The following UBXN6 variants were observed in gnomAD, a reference collection of about 807,000 sequenced individuals.
UBXN6 encodes the protein UBX domain protein 6, also known as UBX domain-containing protein 6.
Under a neutral mutation model 51.4 loss-of-function variants are expected in UBXN6, and 44 were observed. The ratio of observed to expected loss-of-function variants is 0.86; its 90% CI spans 0.67 to 1.10. The LOEUF (loss-of-function observed/expected upper bound fraction) is 1.10. UBXN6 is among the 50% of genes least tolerant of loss of function. The pLI is 0.00. For missense variants in UBXN6, 672 were observed against 596.1 expected (o/e 1.13, Z -1.32); for synonymous variants, 316 against 263.2 (o/e 1.20, Z -1.94).
At chr19:4,457,507 T>A in intron 1 of UBXN6, 108 bp downstream of exon 1, 2 of 840,058 alleles carry the variant, frequency 2.4e-6, no homozygotes, top group East Asian at 8.3e-5. Flanking sequence ...CGCGTGCCGC[T>A]CCCAGCCCCT....
Position 4,457,620 on chromosome 19 carries a change from G to C in UBXN6, c.78C>G (p.Ser26=). The change falls in exon 1 of 11, where the codon TCC becomes TCG. Residue 26 remains serine, a synonymous_variant. Transcript: ENST00000301281. ...CCCCTGCGTTCCTCACGCACCCCAC[G>C]GACTCTTTGAGCTTCTGACCGGGTC... ...SAGPGQKLKE[S]VGEKAHKEKP... is the part of the protein sequence containing the mutation. The C allele has an allele frequency of 6.3e-7, 1 of 1,596,108 alleles. No homozygotes were observed. The highest frequency in any genetic ancestry group is 8.5e-7 in the Non-Finnish European group (1 of 1,172,750).
chr19:4,445,378 G>T lies in UBXN6; in HGVS notation c.*120C>A. 2 of 1,503,462 alleles carry T rather than the reference G, an allele frequency of 1.3e-6. No homozygotes were observed. Among genetic ancestry groups the T allele is most frequent in the Non-Finnish European group, 9.0e-7 (1 of 1,111,094 alleles). 93.1% of individuals were successfully genotyped at this position (1,503,462 alleles called of 1,614,324 possible). A position where few individuals can be genotyped will look rare whatever the true frequency, so the allele number is the denominator to read the frequency against. ...CAGCTCCACGGCTGGCGCCCCTCCC[G>T]TGCCCATGGGGCAGAGCCAAGTATT... On this transcript the variant is annotated 3_prime_UTR_variant, in exon 11 of 11. Coordinates refer to ENST00000301281, the MANE Select transcript of UBXN6 (RefSeq NM_025241.3).
chr19:4,454,748 T>C (rs1974715379), intron 1 of UBXN6: 2 of 152,086 alleles, frequency 1.3e-5, no homozygotes, highest in Admixed American at 6.5e-5. Flanking sequence ...ACTCAAGGGG[T>C]GTCACATCCT....
chr19:4,455,769 G>C (rs1974731438), intron 1 of UBXN6, among the ~76,000 whole-genome samples: 1 of 152,014 alleles, frequency 6.6e-6, no homozygotes. Context: ...TGGGGGTCTG[G>C]AAAGGGCTAG....
In UBXN6 at chr19:4,448,385, T is replaced by C. The variant is rs1271906927; in HGVS notation, c.472A>G (p.Ile158Val). 1 of 1,607,174 alleles carries C rather than the reference T, an allele frequency of 6.2e-7. No homozygotes were observed. Among genetic ancestry groups the C allele is most frequent in the East Asian group, 2.2e-5 (1 of 44,634 alleles). Residue 158 changes from isoleucine to valine, a missense_variant, in exon 5 of 11, where the codon ATC becomes GTC. Transcript: ENST00000301281. The stretch of plus-strand genomic sequence containing the variant: ...TTGTTGAACGTGTAGATCTTCATGA[T>C]GGAGGCGGCCACTGGGTCGGTGGAG... ...HFSTDPVAASIMKIYTFNKDQ... is the reference protein window; with the variant it reads ...HFSTDPVAASVMKIYTFNKDQ...
intron 10 of UBXN6, 126 bp from the exon 11 acceptor site, chr19:4,445,749 G>A: frequency 6.8e-7 from 1 of 1,460,274 alleles, no homozygotes; most frequent in Non-Finnish European, 9.1e-7. Flanking sequence ...TGGAGGCTGT[G>A]GCTCGCACCC....
chr19:4,448,558 A>AAG, intron 4 of UBXN6, 143 bp from the exon 5 acceptor site: 1 of 698,750 alleles, frequency 1.4e-6, no homozygotes, highest in Non-Finnish European at 2.4e-6. Flanking sequence ...CAGAAAGGAA[A>AAG]AGAGAGACCC....
At position 4,445,507 on chromosome 19, in the gene UBXN6, C is replaced by G; in HGVS notation, c.1317G>C (p.Lys439Asn). ...CAACCCTGCTTTTATTTCACAAGAG[C>G]TTCTCGATGGCTGACAGGAGCTCGG... is the stretch of plus-strand genomic sequence containing the variant. ...LKPELLSAIE[K>N]LL The change falls in exon 11 of 11, where the codon AAG (lysine) becomes AAC (asparagine). Residue 439 changes from lysine (K) to asparagine (N), a missense_variant. Coordinates refer to ENST00000301281, the MANE Select transcript of UBXN6 (RefSeq NM_025241.3). 6.2e-7 allele frequency: 1 copy of G among 1,613,940 alleles called. No homozygotes were observed. The highest frequency in any genetic ancestry group is 1.1e-5 in the South Asian group (1 of 91,080).
In UBXN6 at chr19:4,448,348, C is replaced by A. The variant is rs781312851; in HGVS notation, c.509G>T (p.Arg170Leu). Residue 170 changes from arginine to leucine, a missense_variant, in exon 5 of 11, where the codon CGG becomes CTG. Coordinates refer to ENST00000301281, the MANE Select transcript of UBXN6 (RefSeq NM_025241.3). ...KIYTFNKDQDRVKLGVDTIAK... is the reference protein window; with the variant it reads ...KIYTFNKDQDLVKLGVDTIAK... ...AATGGTGTCCACACCCAGCTTCACCCGGTCCTGGTCTTTGTTGAACGTGTA... is the reference window on the plus strand; with the variant it reads ...AATGGTGTCCACACCCAGCTTCACCAGGTCCTGGTCTTTGTTGAACGTGTA... The A allele has an allele frequency of 6.2e-7, 1 of 1,609,908 alleles. No homozygotes were observed. The highest frequency in any genetic ancestry group is 2.2e-5 in the East Asian group (1 of 44,692).
intron 2 of UBXN6, 37 bp downstream of exon 2, chr19:4,453,893 C>A (rs1189726045): frequency 6.3e-7 from 1 of 1,593,844 alleles, no homozygotes; most frequent in Admixed American, 1.8e-5. Context: ...GAACCTCAAA[C>A]AGCCCCAACC....
chr19:4,447,611 A>G lies in UBXN6; in HGVS notation c.554T>C (p.Ile185Thr). ...VDTIAKYLDNIHLHPEEEKYR... is the reference protein window; with the variant it reads ...VDTIAKYLDNTHLHPEEEKYR... ...CTTCTCCTCCTCGGGGTGCAGGTGGATGTTGTCCAGGTACCTGGGGTAGGT... is the reference window on the plus strand; with the variant it reads ...CTTCTCCTCCTCGGGGTGCAGGTGGGTGTTGTCCAGGTACCTGGGGTAGGT... The change falls in exon 6 of 11, where the codon ATC becomes ACC. Residue 185 changes from isoleucine (I) to threonine (T), a missense_variant. Ile to Thr is a moderately conservative substitution (Grantham distance 89). Transcript: ENST00000301281. The G allele has an allele frequency of 6.2e-7, 1 of 1,613,700 alleles. No homozygotes were observed.
intron 3 of UBXN6, 45 bp from the exon 4 acceptor site, chr19:4,452,537 A>G: frequency 1.3e-6 from 2 of 1,582,754 alleles, no homozygotes; most frequent in Non-Finnish European, 1.7e-6. Context: ...GACAGAGGCC[A>G]CCCCGACCCT....
At chr19:4,447,978 C>G (rs949646646) in intron 5 of UBXN6, 1 of 501,362 alleles carries the variant, frequency 2.0e-6, no homozygotes, top group African/African-American at 1.9e-5. Context: ...GGTGCTCCCT[C>G]GGCGTTGGCG....
intron 4 of UBXN6, chr19:4,449,237 C>G (rs919216511): frequency 6.6e-6 from 1 of 152,442 alleles, no homozygotes; most frequent in African/African-American, 2.4e-5. Flanking sequence ...CCACCCGCAC[C>G]TCCCTGGGCT....
chr19:4,457,594 G>A (rs1599683865), intron 1 of UBXN6, 21 bp downstream of exon 1: 1 of 1,582,730 alleles, frequency 6.3e-7, no homozygotes, highest in South Asian at 1.1e-5. Context: ...AGGGCCTCAA[G>A]CCCCTGCGTT....
Position 4,447,668 on chromosome 19 carries a change from C to T in UBXN6, c.540-43G>A, listed in dbSNP as rs1285637263. On this transcript the variant is annotated intron_variant, in intron 5 of 10. Coordinates refer to ENST00000301281, the MANE Select transcript of UBXN6 (RefSeq NM_025241.3). ...GGTGAGTGGGGCACAGCCCAGGCTG[C>T]CCACCCGGCCCCTCTGTGCCTCCTG... The T allele has an allele frequency of 3.1e-6, 5 of 1,598,430 alleles. No homozygotes were observed. In the African/African-American group the frequency reaches 4.0e-5, roughly 13 times the overall value.
At chr19:4,454,264 G>A (rs1425691197) in intron 1 of UBXN6, among the ~76,000 whole-genome samples, 171 bp from the exon 2 acceptor site, 1 of 152,228 alleles carries the variant, frequency 6.6e-6, no homozygotes, top group African/African-American at 2.4e-5. Flanking sequence ...GCCACCAGAT[G>A]GTTCTACTGC....
intron 1 of UBXN6, 51 bp from the exon 2 acceptor site, chr19:4,454,144 A>C: frequency 6.8e-7 from 1 of 1,478,020 alleles, no homozygotes; most frequent in Non-Finnish European, 8.9e-7. Context: ...GTGGCCGGCA[A>C]AGCTGACGTG....
rs549874491 is a variant in UBXN6 at position 4,446,561 on chromosome 19, C to T, written c.859G>A (p.Glu287Lys). ...FQPSPLASQF[E>K]LPGDFFNLTA... Reference sequence around the variant, plus strand: ...AGGTTGAAGAAGTCCCCAGGCAGTTCGAACTGCGAGGCCAGGGGCGAGGGC... The same window carrying T: ...AGGTTGAAGAAGTCCCCAGGCAGTTTGAACTGCGAGGCCAGGGGCGAGGGC... Residue 287 changes from glutamate to lysine, a missense_variant, in exon 8 of 11, where the codon GAA (glutamate) becomes AAA (lysine). Physicochemically the swap from Glu to Lys is moderately conservative, Grantham distance 56. Transcript: ENST00000301281. 5.3e-5 allele frequency: 85 copies of T among 1,612,450 alleles called. 1 individual carries two copies. The African/African-American group carries it at 6.0e-4, about 11-fold the overall frequency.
Sources: allele counts gnomAD v4.1 joint callset (sites outside exome capture counted in the v4.1 genomes callset), GRCh38; gene constraint gnomAD v4.1.1; transcripts MANE v1.5; gene names NCBI Gene and HGNC (gene_info 2026-07-23, HGNC 2026-07-21).